Variants in SHISA9 observed in about 807,000 individuals in gnomAD.
The protein encoded by SHISA9 is shisa family member 9.
Under a neutral mutation model 38.0 loss-of-function variants are expected in SHISA9, and 13 were observed. The ratio of observed to expected loss-of-function variants is 0.34; its 90% confidence interval spans 0.22 to 0.54. The LOEUF (loss-of-function observed/expected upper bound fraction) is 0.54, where lower values mean the gene tolerates loss of function less well. Ranked by LOEUF, SHISA9 falls within the 20% of genes least tolerant of loss-of-function variation. SHISA9 has a pLI of 0.91. For synonymous variants in SHISA9, 275 were observed against 242.0 expected, an observed-to-expected ratio of 1.14 and a Z score of -1.27; for missense variants, 538 against 575.8, an observed-to-expected ratio of 0.93 and a Z score of 0.67.
At chr16:13,292,314 G>C in the SHISA9 span, among the ~76,000 whole-genome samples, 1 of 151,540 alleles carries the variant, frequency 6.6e-6, no homozygotes, top group Non-Finnish European at 1.5e-5. Flanking sequence ...TTATGCAGTT[G>C]GAATCCTGAA....
intron 2 of SHISA9, among the ~76,000 whole-genome samples, chr16:13,083,931 G>C (rs1228603351): frequency 1.3e-5 from 2 of 152,122 alleles, no homozygotes; most frequent in African/African-American, 4.8e-5. Flanking sequence ...TTTCAAAGCG[G>C]GAGGGAGGCA....
At chr16:13,095,679 G>A (rs181800030) in intron 2 of SHISA9, among the ~76,000 whole-genome samples, 5 of 152,360 alleles carry the variant, frequency 3.3e-5, no homozygotes, top group Admixed American at 2.6e-4. Flanking sequence ...ACTGCACAAC[G>A]AGTTCCATAA....
the SHISA9 span, among the ~76,000 whole-genome samples, chr16:13,496,570 G>GA: frequency 6.7e-6 from 1 of 149,652 alleles, no homozygotes; most frequent in African/African-American, 2.4e-5. Context: ...TAGGTCATGA[G>GA]AAAAAAAAAT....
At chr16:13,254,357 G>T in the SHISA9 span, among the ~76,000 whole-genome samples, 1 of 152,194 alleles carries the variant, frequency 6.6e-6, no homozygotes, top group East Asian at 1.9e-4. Flanking sequence ...GGAGAGAGAA[G>T]ATAAGACAAC....
At chr16:12,919,666 G>A (rs1335170432) in intron 2 of SHISA9, among the ~76,000 whole-genome samples, 1 of 152,202 alleles carries the variant, frequency 6.6e-6, no homozygotes, top group African/African-American at 2.4e-5. Flanking sequence ...TGGGAGGAAA[G>A]AGAACATTTT....
intron 4 of SHISA9, 89 bp from the exon 5 acceptor site, chr16:13,234,941 G>T: frequency 1.4e-6 from 2 of 1,426,668 alleles, no homozygotes; most frequent in South Asian, 2.9e-5. Flanking sequence ...TTCTTGGGTT[G>T]ACATGCCAGT....
intron 2 of SHISA9, among the ~76,000 whole-genome samples, chr16:13,025,869 G>C (rs923522532): frequency 6.6e-6 from 1 of 152,082 alleles, no homozygotes; most frequent in Non-Finnish European, 1.5e-5. Context: ...ACAATGGTGT[G>C]ATCCTGGCTC....
At chr16:13,096,019 A>G (rs547225039) in intron 2 of SHISA9, among the ~76,000 whole-genome samples, 2 of 152,364 alleles carry the variant, frequency 1.3e-5, no homozygotes, top group East Asian at 3.9e-4. Flanking sequence ...TTTGGTGGTC[A>G]AGAGTGAAAG....
chr16:12,925,383 A>G (rs756351230), intron 2 of SHISA9, among the ~76,000 whole-genome samples: 4 of 151,754 alleles, frequency 2.6e-5, no homozygotes, highest in Non-Finnish European at 5.9e-5. Context: ...CCAGGTCAGT[A>G]AGAATCTGTA....
chr16:13,308,838 G>A, the SHISA9 span, among the ~76,000 whole-genome samples: 38 of 152,148 alleles, frequency 2.5e-4, no homozygotes, highest in African/African-American at 8.0e-4. Flanking sequence ...AGGTGAACAG[G>A]GTAAAAGCAT....
intron 2 of SHISA9, among the ~76,000 whole-genome samples, chr16:13,101,540 A>T (rs1450456920): frequency 6.6e-6 from 1 of 152,228 alleles, no homozygotes; most frequent in Non-Finnish European, 1.5e-5. Flanking sequence ...GCCAACAATC[A>T]TGTTGTGTTT....
At chr16:13,119,839 G>A (rs1229100278) in intron 2 of SHISA9, among the ~76,000 whole-genome samples, 4 of 152,184 alleles carry the variant, frequency 2.6e-5, no homozygotes, top group South Asian at 2.1e-4. Flanking sequence ...TATTGAAAGG[G>A]AGTTAATAGT....
the SHISA9 span, among the ~76,000 whole-genome samples, chr16:13,501,652 C>G: frequency 1.3e-5 from 2 of 152,220 alleles, no homozygotes; most frequent in Non-Finnish European, 2.9e-5. Context: ...GCTTTATTTA[C>G]TATTGTATGC....
At chr16:13,274,230 T>C in the SHISA9 span, among the ~76,000 whole-genome samples, 3 of 152,184 alleles carry the variant, frequency 2.0e-5, no homozygotes, top group Non-Finnish European at 2.9e-5. Context: ...CATCTTGAGT[T>C]GTCTTTATTA....
At chr16:13,138,356 A>G (rs2050368599) in intron 2 of SHISA9, among the ~76,000 whole-genome samples, 1 of 152,220 alleles carries the variant, frequency 6.6e-6, no homozygotes, top group Non-Finnish European at 1.5e-5. Context: ...ATAGGTGCTT[A>G]CATTTTCCAC....
intron 2 of SHISA9, among the ~76,000 whole-genome samples, chr16:13,073,933 C>T (rs370861769): frequency 1.1e-4 from 17 of 150,710 alleles, no homozygotes; most frequent in Admixed American, 6.6e-4. Context: ...CCTCTAGAAC[C>T]GTGAGAATAA....
chr16:13,052,609 C>T (rs891921434), intron 2 of SHISA9, among the ~76,000 whole-genome samples: 1 of 152,196 alleles, frequency 6.6e-6, no homozygotes, highest in Non-Finnish European at 1.5e-5. Context: ...TTGCAAAACC[C>T]TATTTAGATG....
Position 12,936,129 on chromosome 16 carries a change from G to T in SHISA9, c.691+19314G>T, listed in dbSNP as rs141071439. ...TGCATCGTCTGATGTCCCTTCGCTA[G>T]CAGGTGCTTCGTTGGGTTCTTGGGA... On this transcript the variant is annotated intron_variant, in intron 2 of 4. Coordinates refer to ENST00000558583, the MANE Select transcript of SHISA9 (RefSeq NM_001145204.3). Among the ~76,000 whole-genome samples the T allele has an allele frequency of 4.6e-5, 7 of 152,258 alleles. No homozygotes were observed. The East Asian group carries it at 1.4e-3, about 29-fold the overall frequency.
chr16:13,456,197 T>A, the SHISA9 span, among the ~76,000 whole-genome samples: 2 of 152,334 alleles, frequency 1.3e-5, no homozygotes, highest in Non-Finnish European at 2.9e-5. Context: ...CGTCACTATG[T>A]CCGGGACACA....
Sources: gnomAD v4.1 joint callset for allele counts (sites outside exome capture counted in the v4.1 genomes callset) on GRCh38, gnomAD v4.1.1 for gene constraint, MANE v1.5 for transcripts, NCBI Gene and HGNC (gene_info 2026-07-23, HGNC 2026-07-21) for gene names.